The following TNPO3 variants were observed in gnomAD, a reference collection of about 807,000 sequenced individuals.
The protein encoded by TNPO3 is transportin-3.
TNPO3 carries 65 observed loss-of-function variants against 122.8 expected under a neutral mutation model. The ratio of observed to expected loss-of-function variants is 0.53; its 90% confidence interval spans 0.43 to 0.65. The LOEUF (loss-of-function observed/expected upper bound fraction) is 0.65, where lower values mean the gene tolerates loss of function less well. TNPO3 is among the 30% of genes least tolerant of loss of function. The pLI, the probability that TNPO3 is intolerant of heterozygous loss-of-function variation, is 0.00. For synonymous variants in TNPO3, 372 were observed against 411.2 expected, an observed-to-expected ratio of 0.90 and a Z score of 1.15; for missense variants, 850 against 1,136.7, an observed-to-expected ratio of 0.75 and a Z score of 3.63.
At chr7:129,021,736 C>T (rs566812228) in intron 1 of TNPO3, among the ~76,000 whole-genome samples, 8 of 152,018 alleles carry the variant, frequency 5.3e-5, no homozygotes, top group Non-Finnish European at 1.0e-4. Context: ...TAGCCTATTA[C>T]TTCAAAATGA....
chr7:129,049,418 G>T (rs758286056), intron 1 of TNPO3, among the ~76,000 whole-genome samples: 23 of 152,220 alleles, frequency 1.5e-4, no homozygotes, highest in Non-Finnish European at 1.5e-4. Context: ...GAGGGGAAAG[G>T]TGATGGTGTA....
At position 129,024,778 on chromosome 7, in the gene TNPO3, C is replaced by G. The variant is rs547998275; in HGVS notation, c.121-6621G>C. On this transcript the variant is annotated intron_variant, in intron 1 of 22. Coordinates refer to ENST00000265388, the MANE Select transcript of TNPO3 (RefSeq NM_012470.4). Reference sequence around the variant, plus strand: ...GTGGCTCACACCTGTAGCCCCAGCACTCTGGGAGGCCAAAGCAGGAGGATC... The same window carrying G: ...GTGGCTCACACCTGTAGCCCCAGCAGTCTGGGAGGCCAAAGCAGGAGGATC... 9.2e-5 allele frequency among the ~76,000 whole-genome samples: 14 copies of G among 152,312 alleles called. 1 individual carries two copies. In the South Asian group the frequency reaches 2.9e-3, roughly 32 times the overall value.
chr7:128,990,375 G>A lies in TNPO3; in HGVS notation c.1359-275C>T, dbSNP rs182987270. Among the ~76,000 whole-genome samples the A allele has an allele frequency of 9.5e-4, 144 of 152,302 alleles. 1 individual carries two copies. Among genetic ancestry groups the A allele is most frequent in the Admixed American group, 2.5e-3 (39 of 15,298 alleles). ...AGACACATCAAGCTATCAAATGCAG[G>A]CTCTTTAAATTGGAGAGGCAGACAT... On this transcript the variant is annotated intron_variant, in intron 10 of 22. Transcript: ENST00000265388.
intron 21 of TNPO3, among the ~76,000 whole-genome samples, chr7:128,963,061 G>A (rs1418649708): frequency 3.3e-5 from 5 of 152,198 alleles, no homozygotes; most frequent in African/African-American, 4.8e-5. Context: ...AGTTTTGCAA[G>A]TACATAATGA....
At chr7:128,956,812 T>C (rs534095390) in intron 22 of TNPO3, among the ~76,000 whole-genome samples, 2 of 152,252 alleles carry the variant, frequency 1.3e-5, no homozygotes, top group Non-Finnish European at 2.9e-5. Flanking sequence ...TCATTACATC[T>C]GGAGGGTCAG....
chr7:128,972,663 G>C, intron 18 of TNPO3, 81 bp from the exon 19 acceptor site: 3 of 1,314,346 alleles, frequency 2.3e-6, no homozygotes, highest in Non-Finnish European at 3.2e-6. Flanking sequence ...AAACTATGAA[G>C]ACAGTAAAAA....
chr7:129,001,311 A>G (rs1212604559), intron 5 of TNPO3, 77 bp from the exon 6 acceptor site: 2 of 1,199,370 alleles, frequency 1.7e-6, no homozygotes, highest in Admixed American at 4.4e-5. Flanking sequence ...TGCACACCCT[A>G]GGGTTCAATC....
chr7:129,041,004 A>C (rs1465552391), intron 1 of TNPO3, among the ~76,000 whole-genome samples: 1 of 152,226 alleles, frequency 6.6e-6, no homozygotes, highest in African/African-American at 2.4e-5. Context: ...CCGTGATGAC[A>C]TTGCCCATAC....
chr7:129,033,005 C>T (rs999474080), intron 1 of TNPO3, among the ~76,000 whole-genome samples: 8 of 151,948 alleles, frequency 5.3e-5, no homozygotes, highest in African/African-American at 1.9e-4. Flanking sequence ...GACACACAGA[C>T]CAATATAATG....
At chr7:128,987,933 C>T (rs1442143178) in intron 11 of TNPO3, among the ~76,000 whole-genome samples, 2 of 152,042 alleles carry the variant, frequency 1.3e-5, no homozygotes. Context: ...GACCTTGTAG[C>T]AAACTGTGAA....
Position 128,975,852 on chromosome 7 carries a change from T to G in TNPO3, c.2145A>C (p.Glu715Asp). The change falls in exon 17 of 23, where the codon GAA (glutamate) becomes GAC (aspartate). Residue 715 changes from glutamate (E) to aspartate (D), a missense_variant. By Grantham distance (45) the Glu-to-Asp change is conservative. Transcript: ENST00000265388. ...SILVDEYGME[E>D]GCRQGLLDML... ...TGTCTAGCAGTCCCTGCCGACAGCC[T>G]TCTTCCATGCCATATTCATCCACAA... The G allele has an allele frequency of 6.2e-7, 1 of 1,613,960 alleles. No homozygotes were observed. Among genetic ancestry groups the G allele is most frequent in the Non-Finnish European group, 8.5e-7 (1 of 1,179,846 alleles).
At chr7:128,957,947 T>C (rs994928951) in intron 21 of TNPO3, among the ~76,000 whole-genome samples, 1 of 152,134 alleles carries the variant, frequency 6.6e-6, no homozygotes, top group Non-Finnish European at 1.5e-5. Flanking sequence ...GATGCCTATG[T>C]GATATGAATA....
intron 1 of TNPO3, among the ~76,000 whole-genome samples, chr7:129,045,612 A>C (rs1410334836): frequency 2.0e-5 from 3 of 152,128 alleles, no homozygotes; most frequent in African/African-American, 7.2e-5. Flanking sequence ...GCAATCAATC[A>C]CTGTAAAAGA....
At chr7:129,000,647 A>T (rs1801842972) in intron 6 of TNPO3, 80 bp from the exon 7 acceptor site, 1 of 1,392,278 alleles carries the variant, frequency 7.2e-7, no homozygotes, top group Non-Finnish European at 9.9e-7. Flanking sequence ...TAATCAAATA[A>T]ATAAAAGGTT....
intron 1 of TNPO3, among the ~76,000 whole-genome samples, chr7:129,026,115 G>C (rs1805130313): frequency 7.9e-6 from 1 of 127,028 alleles, no homozygotes; most frequent in Non-Finnish European, 1.6e-5. Context: ...GGCAGAGTGA[G>C]ACTCCGTCTC....
intron 15 of TNPO3, 108 bp from the exon 16 acceptor site, chr7:128,979,231 A>G (rs1799390547): frequency 7.3e-7 from 1 of 1,372,880 alleles, no homozygotes; most frequent in Non-Finnish European, 1.0e-6. Context: ...CTGGGACAAA[A>G]CTTTCTGTAT....
chr7:129,008,688 A>T (rs141138884), intron 4 of TNPO3, among the ~76,000 whole-genome samples: 32 of 152,342 alleles, frequency 2.1e-4, no homozygotes, highest in African/African-American at 7.7e-4. Flanking sequence ...TTCCCTTAAC[A>T]TGAACTGGAG....
chr7:129,027,595 C>T (rs1485576299), intron 1 of TNPO3, among the ~76,000 whole-genome samples: 5 of 54,660 alleles, frequency 9.1e-5, no homozygotes, highest in Non-Finnish European at 1.9e-4. Flanking sequence ...AAAAAAACAA[C>T]ACAAAAAATT....
Position 129,000,433 on chromosome 7 carries a change from T to C in TNPO3, c.1007A>G (p.Tyr336Cys). The change falls in exon 7 of 23, where the codon TAT becomes TGT. Residue 336 changes from tyrosine (Y) to cysteine (C), a missense_variant. Coordinates refer to ENST00000265388, the MANE Select transcript of TNPO3 (RefSeq NM_012470.4). ...TTTGAATAGCATAAACACTACCTCA[T>C]ATTGAGGATGGCCTGCACAGATAAG... is the stretch of plus-strand genomic sequence containing the variant. ...LLLICAGHPQ[Y>C]EVVEISFNFW... is the part of the protein sequence containing the mutation. 2 of 1,613,232 alleles carry C rather than the reference T, an allele frequency of 1.2e-6. No individual in the cohort carries two copies. The highest frequency in any genetic ancestry group is 1.1e-5 in the South Asian group (1 of 91,010).
Sources: gnomAD v4.1 joint callset for allele counts (sites outside exome capture counted in the v4.1 genomes callset) on GRCh38, gnomAD v4.1.1 for gene constraint, MANE v1.5 for transcripts, NCBI Gene and HGNC (gene_info 2026-07-23, HGNC 2026-07-21) for gene names.